Variants in ZFHX3 observed in about 807,000 individuals in gnomAD.
ZFHX3 encodes the protein zinc finger homeobox 3.
A neutral mutation model predicts 279.1 loss-of-function variants in ZFHX3; 42 were observed. The observed-to-expected ratio is 0.15, with a 90% CI of 0.12 to 0.19. The LOEUF (loss-of-function observed/expected upper bound fraction) is 0.19, where lower values mean the gene tolerates loss of function less well. Among genes scored for constraint, ZFHX3 ranks in the 10% least tolerant of loss-of-function variants. ZFHX3 has a pLI of 1.00. For missense variants in ZFHX3, 4,981 were observed against 4,754.0 expected, an observed-to-expected ratio of 1.05 and a Z score of -1.40; for synonymous variants, 2,293 against 1,957.8, an observed-to-expected ratio of 1.17 and a Z score of -4.52.
intron 1 of ZFHX3, among the ~76,000 whole-genome samples, chr16:73,711,518 AC>A (rs1325105579): frequency 2.0e-5 from 3 of 152,088 alleles, no homozygotes; most frequent in African/African-American, 7.2e-5. Context: ...CTGGCAGTTG[AC>A]TCCATATGTT....
intron 2 of ZFHX3, among the ~76,000 whole-genome samples, chr16:73,589,305 A>T (rs982798054): frequency 7.2e-6 from 1 of 139,230 alleles, no homozygotes. Flanking sequence ...GTGTGGTGGC[A>T]TGCACCTGTA....
At chr16:72,826,640 T>C (rs770278548) in intron 5 of ZFHX3, among the ~76,000 whole-genome samples, 5 of 152,138 alleles carry the variant, frequency 3.3e-5, no homozygotes, top group African/African-American at 4.8e-5. Flanking sequence ...TAGACAAAAT[T>C]ATGCTTCGGA....
intron 1 of ZFHX3, among the ~76,000 whole-genome samples, chr16:73,808,937 T>C (rs78373496): frequency 5.3e-5 from 8 of 152,280 alleles, no homozygotes; most frequent in Admixed American, 3.9e-4. Context: ...AACTACTATG[T>C]AGAGAAGCAG....
chr16:72,850,655 C>CA (rs1555523830), intron 4 of ZFHX3, among the ~76,000 whole-genome samples: 3 of 152,170 alleles, frequency 2.0e-5, no homozygotes, highest in Non-Finnish European at 4.4e-5. Context: ...AGGCCGGGCT[C>CA]GCCAGGCCCA....
chr16:73,272,045 T>C (rs970605739), intron 4 of ZFHX3, among the ~76,000 whole-genome samples: 1 of 152,172 alleles, frequency 6.6e-6, no homozygotes, highest in African/African-American at 2.4e-5. Context: ...TGTATAACCA[T>C]CTAAGTTCAC....
chr16:73,188,966 C>G (rs953798329), intron 5 of ZFHX3, among the ~76,000 whole-genome samples: 2 of 151,404 alleles, frequency 1.3e-5, no homozygotes, highest in African/African-American at 4.9e-5. Context: ...TGGGTTCAAG[C>G]GATTCTCCTG....
rs768678915 is a variant in ZFHX3, at chr16:72,958,218, G to T, written c.1928C>A (p.Pro643His). ...ECPSGSGVEC[P>H]KCDTVLGSSR... ...GGAGCCCAGGACCGTGTCGCATTTGGGGCACTCCACGCCACTCCCCGAGGG... is the reference window on the plus strand; with the variant it reads ...GGAGCCCAGGACCGTGTCGCATTTGTGGCACTCCACGCCACTCCCCGAGGG... Residue 643 changes from proline to histidine, a missense_variant, in exon 2 of 10, where the codon CCC (proline) becomes CAC (histidine). Pro to His is a moderately conservative substitution (Grantham distance 77). Transcript: ENST00000268489. 1 of 1,611,680 alleles carries T rather than the reference G, an allele frequency of 6.2e-7. No individual in the cohort carries two copies. The highest frequency in any genetic ancestry group is 1.1e-5 in the South Asian group (1 of 91,052).
At chr16:73,506,278 C>A (rs554834550) in intron 2 of ZFHX3, among the ~76,000 whole-genome samples, 2 of 152,188 alleles carry the variant, frequency 1.3e-5, no homozygotes, top group African/African-American at 4.8e-5. Context: ...ACATTGCCAC[C>A]TGGCCCGGAC....
At chr16:73,210,348 G>A (rs140744548) in intron 5 of ZFHX3, among the ~76,000 whole-genome samples, 124 of 152,042 alleles carry the variant, frequency 8.2e-4, no homozygotes, top group African/African-American at 2.7e-3. Context: ...CTTCTCTCCC[G>A]AACATCTTTT....
At chr16:73,810,431 C>T (rs1960395868) in intron 1 of ZFHX3, among the ~76,000 whole-genome samples, 2 of 152,078 alleles carry the variant, frequency 1.3e-5, no homozygotes, top group Non-Finnish European at 1.5e-5. Flanking sequence ...ACCTAGATAA[C>T]CTCTAAGGGT....
At chr16:73,632,723 G>C (rs1194893231) in intron 2 of ZFHX3, among the ~76,000 whole-genome samples, 2 of 151,546 alleles carry the variant, frequency 1.3e-5, no homozygotes, top group African/African-American at 4.9e-5. Flanking sequence ...TGATTCTGTG[G>C]ACTCCAGAAT....
At chr16:73,544,418 A>G (rs2020075522) in intron 2 of ZFHX3, among the ~76,000 whole-genome samples, 1 of 152,162 alleles carries the variant, frequency 6.6e-6, no homozygotes, top group Non-Finnish European at 1.5e-5. Flanking sequence ...CGGGTCCGGA[A>G]TTCAGGAGGT....
At chr16:73,740,401 C>A (rs1376838902) in intron 1 of ZFHX3, among the ~76,000 whole-genome samples, 1 of 152,102 alleles carries the variant, frequency 6.6e-6, no homozygotes, top group African/African-American at 2.4e-5. Flanking sequence ...TTAAATTTCA[C>A]TTAAGTCCTT....
At chr16:73,157,436 A>G (rs1967116910) in intron 5 of ZFHX3, among the ~76,000 whole-genome samples, 1 of 127,488 alleles carries the variant, frequency 7.8e-6, no homozygotes, top group Non-Finnish European at 1.6e-5. Flanking sequence ...ATGTGGAGAA[A>G]TTGTCCTGGG....
At chr16:72,893,152 A>G (rs945853861) in intron 3 of ZFHX3, among the ~76,000 whole-genome samples, 1 of 152,236 alleles carries the variant, frequency 6.6e-6, no homozygotes, top group Non-Finnish European at 1.5e-5. Flanking sequence ...TAAAGCTTCA[A>G]CTAAAACTGA....
In ZFHX3 at chr16:72,885,297, G is replaced by A. The variant is rs148758476; in HGVS notation, c.3448+4434C>T. Among the ~76,000 whole-genome samples the A allele has an allele frequency of 1.1e-3, 174 of 152,384 alleles. 1 individual carries two copies. Among genetic ancestry groups the A allele is most frequent in the African/African-American group, 4.1e-3 (172 of 41,594 alleles). ...GGCGGCCAAGGCTCTGTCCACTGGTGCAGGGCAGGACTTAGATGTACGTGC... is the reference window on the plus strand; with the variant it reads ...GGCGGCCAAGGCTCTGTCCACTGGTACAGGGCAGGACTTAGATGTACGTGC... On this transcript the variant is annotated intron_variant, in intron 4 of 9. Transcript: ENST00000268489.
chr16:73,254,074 T>A (rs545188044), intron 5 of ZFHX3, among the ~76,000 whole-genome samples: 1 of 152,302 alleles, frequency 6.6e-6, no homozygotes, highest in South Asian at 2.1e-4. Flanking sequence ...ACTCCCAGCC[T>A]GTTCCAGGTA....
At chr16:73,565,044 A>T in intron 2 of ZFHX3, among the ~76,000 whole-genome samples, 1 of 152,170 alleles carries the variant, frequency 6.6e-6, no homozygotes, top group East Asian at 1.9e-4. Flanking sequence ...CCTGAGGTCA[A>T]GAGATTGCGA....
At chr16:72,983,368 C>A (rs887023110) in intron 1 of ZFHX3, among the ~76,000 whole-genome samples, 1 of 152,150 alleles carries the variant, frequency 6.6e-6, no homozygotes, top group Non-Finnish European at 1.5e-5. Context: ...GACCAGGATC[C>A]CCGAACATCC....
Sources: gnomAD v4.1 joint callset for allele counts (sites outside exome capture counted in the v4.1 genomes callset) on GRCh38, gnomAD v4.1.1 for gene constraint, MANE v1.5 for transcripts, NCBI Gene and HGNC (gene_info 2026-07-23, HGNC 2026-07-21) for gene names.